Variants in VSIR observed in about 807,000 individuals in gnomAD.
The protein encoded by VSIR is V-set immunoregulatory receptor.
In VSIR, 10 loss-of-function variants were observed where a neutral mutation model predicts 31.0. The ratio of observed to expected loss-of-function variants is 0.32; its 90% CI spans 0.20 to 0.55. The LOEUF (loss-of-function observed/expected upper bound fraction) is 0.55, where lower values mean the gene tolerates loss of function less well. VSIR is among the 20% of genes least tolerant of loss of function. VSIR has a pLI of 0.93. For missense variants in VSIR, 356 were observed against 416.2 expected (o/e 0.86, Z 1.26); for synonymous variants, 179 against 180.1 (o/e 0.99, Z 0.05).
At position 71,751,106 on chromosome 10, in the gene VSIR, G is replaced by T; in HGVS notation, c.*147C>A. 1 of 954,078 alleles carries T rather than the reference G, an allele frequency of 1.0e-6. No individual in the cohort carries two copies. Among genetic ancestry groups the T allele is most frequent in the Non-Finnish European group, 1.5e-6 (1 of 645,832 alleles). 59.1% of individuals were successfully genotyped at this position (954,078 alleles called of 1,614,324 possible). On this transcript the variant is annotated 3_prime_UTR_variant, in exon 7 of 7. Coordinates refer to ENST00000394957, the MANE Select transcript of VSIR (RefSeq NM_022153.2). The surrounding 1 kb of genome is among the most constrained non-coding windows in gnomAD (Gnocchi z 4.9). ...TAGCATCCAGAGGGGTTGAGGGGCT[G>T]GGCTTCTGGGATGTCACAGTATCTG...
intron 3 of VSIR, among the ~76,000 whole-genome samples, chr10:71,758,308 TC>T (rs1840201904): frequency 6.6e-6 from 1 of 152,184 alleles, no homozygotes; most frequent in Non-Finnish European, 1.5e-5. Context: ...CTCGTGCATG[TC>T]CTCCTGGATG....
Position 71,751,991 on chromosome 10 carries a change from C to G in VSIR, c.705-130G>C, listed in dbSNP as rs567964395. 1 of 1,056,092 alleles carries G rather than the reference C, an allele frequency of 9.5e-7. No homozygotes were observed. Among genetic ancestry groups the G allele is most frequent in the East Asian group, 2.6e-5 (1 of 38,700 alleles). The allele number at this position is 1,056,092 out of a possible 1,614,324, so 65.4% of individuals were successfully genotyped here. ...CATCCCCAAGCCTCAGCAGCATCTC[C>G]AAGCAAGAAGGCAGGAGCCAGGCCC... On this transcript the variant is annotated intron_variant, in intron 5 of 6. Transcript: ENST00000394957. This position sits in a 1 kb window ranked among gnomAD's most constrained non-coding sequence, Gnocchi z 4.9.
intron 3 of VSIR, among the ~76,000 whole-genome samples, chr10:71,758,560 G>A (rs1840209142): frequency 6.6e-6 from 1 of 152,238 alleles, no homozygotes; most frequent in Admixed American, 6.5e-5. Flanking sequence ...GCTACCCACT[G>A]CACTGCCCCA....
At chr10:71,758,571 A>G (rs1403531834) in intron 3 of VSIR, among the ~76,000 whole-genome samples, 1 of 152,216 alleles carries the variant, frequency 6.6e-6, no homozygotes, top group Non-Finnish European at 1.5e-5. Context: ...CACTGCCCCA[A>G]GCTGGGAAGA....
rs1564779298 is a variant in VSIR at position 71,759,900 on chromosome 10, T to TATATACACACACAC, written c.568+954_568+967dup. Among the ~76,000 whole-genome samples, 2 of 44,972 alleles carry TATATACACACACAC rather than the reference T, an allele frequency of 4.4e-5. 1 individual carries two copies. Among genetic ancestry groups the TATATACACACACAC allele is most frequent in the African/African-American group, 1.4e-4 (2 of 14,726 alleles). The allele number at this position is 44,972 out of a possible 152,430, so 29.5% of individuals were successfully genotyped here. A position where few individuals can be genotyped will look rare whatever the true frequency, so the allele number is the denominator to read the frequency against. ...ACACACACACATATACACACACACA[T>TATATACACACACAC]ATATACACACACACATATATACACA... On this transcript the variant is annotated intron_variant, in intron 3 of 6. Coordinates refer to ENST00000394957, the MANE Select transcript of VSIR (RefSeq NM_022153.2).
chr10:71,763,196 C>T (rs7067854), intron 1 of VSIR, among the ~76,000 whole-genome samples: 2 of 152,176 alleles, frequency 1.3e-5, no homozygotes, highest in Admixed American at 6.5e-5. Context: ...GTTTTTGAGA[C>T]GGAGTCTCCC....
In VSIR at chr10:71,749,071, C is replaced by A. The variant is rs536535471; in HGVS notation, c.*2182G>T. 5.9e-5 allele frequency: 9 copies of A among 152,492 alleles called. No homozygotes were observed. Among genetic ancestry groups the A allele is most frequent in the African/African-American group, 2.2e-4 (9 of 41,582 alleles). 9.4% of individuals were successfully genotyped at this position (152,492 alleles called of 1,614,324 possible). A position where few individuals can be genotyped will look rare whatever the true frequency, so the allele number is the denominator to read the frequency against. On this transcript the variant is annotated 3_prime_UTR_variant, in exon 7 of 7. Transcript: ENST00000394957. ...CCCTCTCCACACAGCAGCAGCCAGG[C>A]CTGGGGTCTGGCAGCCAAATTCTTA...
At chr10:71,761,460 C>A (rs1249037372) in intron 2 of VSIR, 138 bp downstream of exon 2, 21 of 1,061,980 alleles carry the variant, frequency 2.0e-5, no homozygotes, top group Admixed American at 8.7e-5. Flanking sequence ...ACCACCCCAT[C>A]TCACCCACAC....
chr10:71,752,073 G>C (rs927959856), intron 5 of VSIR: 1 of 701,066 alleles, frequency 1.4e-6, no homozygotes, highest in Non-Finnish European at 2.6e-6. Context: ...AGGGCATCAG[G>C]GCCCACCAGA....
chr10:71,762,014 G>A lies in VSIR; in HGVS notation c.95C>T (p.Ala32Val). The A allele has an allele frequency of 6.2e-7, 1 of 1,602,270 alleles. No individual in the cohort carries two copies. Residue 32 changes from alanine (A) to valine (V), a missense_variant, in exon 2 of 7, where the codon GCC (alanine) becomes GTC (valine). Physicochemically the swap from Ala to Val is moderately conservative, Grantham distance 64. Transcript: ENST00000394957. ...FLAASLGPVA[A>V]FKVATPYSLY... ...GGAATACGGCGTGGCGACCTTGAAG[G>A]CTGCCACCGGACCTGCTCAGAGAGA... is the stretch of plus-strand genomic sequence containing the variant.
At chr10:71,773,324 C>CTT (rs937997078) in intron 1 of VSIR, 34 bp downstream of exon 1, 2 of 1,574,660 alleles carry the variant, frequency 1.3e-6, no homozygotes, top group Non-Finnish European at 8.6e-7. Context: ...CTTCTCCCAG[C>CTT]TTTTTCCCAG....
At chr10:71,766,695 T>C (rs1043098759) in intron 1 of VSIR, among the ~76,000 whole-genome samples, 7 of 152,124 alleles carry the variant, frequency 4.6e-5, no homozygotes, top group African/African-American at 1.7e-4. Flanking sequence ...ACCCCCAACA[T>C]GGGTGGTATC....
intron 1 of VSIR, among the ~76,000 whole-genome samples, chr10:71,767,125 G>T (rs1290988094): frequency 6.6e-6 from 1 of 152,202 alleles, no homozygotes; most frequent in African/African-American, 2.4e-5. Flanking sequence ...ACCCTCAGAT[G>T]TTTCTGTCCC....
chr10:71,766,028 G>A (rs1840534668), intron 1 of VSIR, among the ~76,000 whole-genome samples: 1 of 152,228 alleles, frequency 6.6e-6, no homozygotes, highest in African/African-American at 2.4e-5. Context: ...ATGGCATGGG[G>A]GAGAGGGGCA....
rs1002500893 is a variant in VSIR at position 71,751,782 on chromosome 10, G to T, written c.784C>A (p.Pro262Thr). The T allele has an allele frequency of 2.5e-6, 4 of 1,600,754 alleles. No individual in the cohort carries two copies. The highest frequency in any genetic ancestry group is 1.7e-5 in the Admixed American group (1 of 57,752). Reference protein sequence around the residue: ...QGIPEAKVRHPLSYVAQRQPS... With the variant: ...QGIPEAKVRHTLSYVAQRQPS... ...TGCCGCTGGGCCACATAGGACAGGG[G>T]GTGCCTGACTTTGGCCTCGGGTATC... is the stretch of plus-strand genomic sequence containing the variant. The change falls in exon 6 of 7, where the codon CCC becomes ACC. Residue 262 changes from proline to threonine, a missense_variant. Physicochemically the swap from Pro to Thr is conservative, Grantham distance 38. Coordinates refer to ENST00000394957, the MANE Select transcript of VSIR (RefSeq NM_022153.2). This position sits in a 1 kb window ranked among gnomAD's most constrained non-coding sequence, Gnocchi z 4.9.
rs1359130047 is a variant in VSIR at position 71,750,508 on chromosome 10, C to T, written c.*745G>A. 3 of 152,336 alleles carry T rather than the reference C, an allele frequency of 2.0e-5. No individual in the cohort carries two copies. The highest frequency in any genetic ancestry group is 4.4e-5 in the Non-Finnish European group (3 of 68,102). 9.4% of individuals were successfully genotyped at this position (152,336 alleles called of 1,614,324 possible). A position where few individuals can be genotyped will look rare whatever the true frequency, so the allele number is the denominator to read the frequency against. ...AGGCCCCACCCACCTCCCTCAGCAC[C>T]ATCTCCAGTGGGTGGGGCAACATCT... is the stretch of plus-strand genomic sequence containing the variant. On this transcript the variant is annotated 3_prime_UTR_variant, in exon 7 of 7. Coordinates refer to ENST00000394957, the MANE Select transcript of VSIR (RefSeq NM_022153.2).
At chr10:71,771,438 A>G (rs1250787393) in intron 1 of VSIR, among the ~76,000 whole-genome samples, 6 of 152,154 alleles carry the variant, frequency 3.9e-5, no homozygotes, top group Admixed American at 3.9e-4. Flanking sequence ...ACCCAGGGCA[A>G]CCCAGCACCT....
At position 71,755,419 on chromosome 10, in the gene VSIR, G is replaced by A. The variant is rs867599245; in HGVS notation, c.616C>T (p.Leu206Phe). 1 of 1,613,522 alleles carries A rather than the reference G, an allele frequency of 6.2e-7. No homozygotes were observed. The highest frequency in any genetic ancestry group is 8.5e-7 in the Non-Finnish European group (1 of 1,179,894). The change falls in exon 4 of 7, where the codon CTC (leucine) becomes TTC (phenylalanine). Residue 206 changes from leucine (L) to phenylalanine (F), a missense_variant. Coordinates refer to ENST00000394957, the MANE Select transcript of VSIR (RefSeq NM_022153.2). Reference protein sequence around the residue: ...LATGACIVGILCLPLILLLVY... With the variant: ...LATGACIVGIFCLPLILLLVY... ...AGGAGCAGGATGAGGGGGAGGCAGA[G>A]GATTCCTACGATGCAGGCACCCGTA...
chr10:71,751,229 A>G lies in VSIR; in HGVS notation c.*24T>C. The G allele has an allele frequency of 9.4e-6, 15 of 1,602,942 alleles. 1 individual carries two copies. Among genetic ancestry groups the G allele is most frequent in the South Asian group, 2.2e-5 (2 of 89,268 alleles). ...TGCACCTGCCCCAGACCCAGCCACA[A>G]CAGCCCACTGTCCCCCAGCTGGGCT... On this transcript the variant is annotated 3_prime_UTR_variant, in exon 7 of 7. Transcript: ENST00000394957. The surrounding 1 kb of genome is among the most constrained non-coding windows in gnomAD (Gnocchi z 4.9).
Sources: gnomAD v4.1 joint callset for allele counts (sites outside exome capture counted in the v4.1 genomes callset) on GRCh38, gnomAD v4.1.1 for gene constraint, Gnocchi (gnomAD v3.1) non-coding constraint, MANE v1.5 for transcripts, NCBI Gene and HGNC (gene_info 2026-07-23, HGNC 2026-07-21) for gene names.